The following CACNB2 variants were observed in gnomAD, a reference collection of about 807,000 sequenced individuals.
CACNB2 encodes calcium voltage-gated channel auxiliary subunit beta 2, also known as voltage-dependent L-type calcium channel subunit beta-2.
Under a neutral mutation model 73.3 loss-of-function variants are expected in CACNB2, and 42 were observed. That is an observed-to-expected ratio of 0.57 (90% CI 0.45 to 0.74). CACNB2 has a LOEUF of 0.74. Ranked by LOEUF, CACNB2 falls within the 30% of genes least tolerant of loss-of-function variation. CACNB2 has a pLI of 0.00. For missense variants in CACNB2, 940 were observed against 853.0 expected (o/e 1.10, Z -1.27); for synonymous variants, 348 against 310.3 (o/e 1.12, Z -1.28).
intron 2 of CACNB2, among the ~76,000 whole-genome samples, chr10:18,221,849 C>A (rs768210590): frequency 2.6e-5 from 4 of 152,154 alleles, no homozygotes; most frequent in Admixed American, 6.5e-5. Context: ...TTTTGGAAGG[C>A]ATTTTGTGTT....
intron 3 of CACNB2, among the ~76,000 whole-genome samples, chr10:18,454,026 A>G (rs1464759580): frequency 6.6e-6 from 1 of 152,220 alleles, no homozygotes; most frequent in Non-Finnish European, 1.5e-5. Context: ...CCCAGGAACA[A>G]GCCCAGCGCC....
chr10:18,481,610 G>T (rs886431973), intron 3 of CACNB2, among the ~76,000 whole-genome samples: 7 of 151,882 alleles, frequency 4.6e-5, no homozygotes, highest in African/African-American at 1.5e-4. Context: ...TAGTCCAGAA[G>T]GATTGAGCCA....
Position 18,539,311 on chromosome 10 carries a change from C to G in CACNB2, c.1570C>G (p.Pro524Ala), listed in dbSNP as rs1349921106. The G allele has an allele frequency of 1.1e-5, 17 of 1,613,954 alleles. No individual in the cohort carries two copies. The East Asian group carries it at 3.3e-4, about 32-fold the overall frequency. The change falls in exon 14 of 14, where the codon CCA (proline) becomes GCA (alanine). Residue 524 changes from proline (P) to alanine (A), a missense_variant. Coordinates refer to ENST00000324631, the MANE Select transcript of CACNB2 (RefSeq NM_201596.3). ...SQAEEEPSVEPVKKSQHRSSS... is the reference protein window; with the variant it reads ...SQAEEEPSVEAVKKSQHRSSS... ...AGCTGAAGAAGAACCTAGTGTGGAA[C>G]CAGTCAAGAAATCCCAGCACCGCTC... is the stretch of plus-strand genomic sequence containing the variant.
At position 18,310,728 on chromosome 10, in the gene CACNB2, C is replaced by T. The variant is rs563755637; in HGVS notation, c.214-91196C>T. Among the ~76,000 whole-genome samples the T allele has an allele frequency of 3.6e-4, 54 of 149,374 alleles. No individual in the cohort carries two copies. The South Asian group carries it at 8.5e-3, about 23-fold the overall frequency. Reference sequence around the variant, plus strand: ...CCTAGTAGCTGGGATTACAGGCATGCGCCACCATGCCTGGCTAATTTTTTT... The same window carrying T: ...CCTAGTAGCTGGGATTACAGGCATGTGCCACCATGCCTGGCTAATTTTTTT... On this transcript the variant is annotated intron_variant, in intron 2 of 13. Coordinates refer to ENST00000324631, the MANE Select transcript of CACNB2 (RefSeq NM_201596.3).
intron 2 of CACNB2, among the ~76,000 whole-genome samples, chr10:18,283,136 A>T (rs1230837001): frequency 2.0e-5 from 3 of 152,216 alleles, no homozygotes; most frequent in Non-Finnish European, 1.5e-5. Flanking sequence ...ATCTCACACC[A>T]GTTAGATGGC....
chr10:18,265,944 G>A (rs1315261096), intron 2 of CACNB2, among the ~76,000 whole-genome samples: 1 of 152,102 alleles, frequency 6.6e-6, no homozygotes, highest in Non-Finnish European at 1.5e-5. Context: ...ATACTGGAAG[G>A]TAATGTAGTC....
At chr10:18,377,695 T>A (rs977485141) in intron 2 of CACNB2, among the ~76,000 whole-genome samples, 4 of 152,256 alleles carry the variant, frequency 2.6e-5, no homozygotes, top group African/African-American at 9.6e-5. Context: ...TATAGTTGGC[T>A]GATCTCTGAT....
chr10:18,518,246 A>C (rs958766290), intron 7 of CACNB2, 90 bp from the exon 8 acceptor site: 1 of 872,204 alleles, frequency 1.1e-6, no homozygotes, highest in East Asian at 2.4e-5. Flanking sequence ...AGTGCCTCAT[A>C]TTATGGAGTT....
chr10:18,413,057 G>GC (rs1472148463), intron 3 of CACNB2, among the ~76,000 whole-genome samples: 1 of 152,110 alleles, frequency 6.6e-6, no homozygotes, highest in Admixed American at 6.6e-5. Context: ...TGCAACTTCT[G>GC]CCCCCCGGGT....
In CACNB2 at chr10:18,239,580, G is replaced by A. The variant is rs79766358; in HGVS notation, c.213+88605G>A. 3.8e-3 allele frequency among the ~76,000 whole-genome samples: 578 copies of A among 152,264 alleles called. 5 individuals are homozygous for A. Among genetic ancestry groups the A allele is most frequent in the African/African-American group, 0.013 (555 of 41,536 alleles). The stretch of plus-strand genomic sequence containing the variant: ...TTGTTTATCCAGTCATACATTGATG[G>A]ACACTTAGGTTGATTCCATATCTTT... On this transcript the variant is annotated intron_variant, in intron 2 of 13. Coordinates refer to ENST00000324631, the MANE Select transcript of CACNB2 (RefSeq NM_201596.3).
chr10:18,408,777 A>C (rs2132604686), intron 3 of CACNB2, among the ~76,000 whole-genome samples: 1 of 152,318 alleles, frequency 6.6e-6, no homozygotes, highest in Middle Eastern at 3.4e-3. Context: ...AAGGTTCTTT[A>C]GGGATGAGAT....
intron 2 of CACNB2, among the ~76,000 whole-genome samples, chr10:18,186,218 G>A (rs565753559): frequency 2.8e-4 from 43 of 152,114 alleles, no homozygotes; most frequent in African/African-American, 9.2e-4. Context: ...TCAGGAGTTC[G>A]AGACCAGCCT....
intron 3 of CACNB2, among the ~76,000 whole-genome samples, chr10:18,442,139 T>C (rs574059059): frequency 6.6e-5 from 10 of 152,262 alleles, no homozygotes; most frequent in Admixed American, 2.0e-4. Context: ...ACACACCTGG[T>C]TTGAATCTGG....
intron 2 of CACNB2, among the ~76,000 whole-genome samples, chr10:18,310,736 T>C (rs189431550): frequency 1.3e-5 from 2 of 150,434 alleles, no homozygotes; most frequent in Admixed American, 6.6e-5. Context: ...TGCGCCACCA[T>C]GCCTGGCTAA....
intron 2 of CACNB2, among the ~76,000 whole-genome samples, chr10:18,160,386 T>C (rs1696675420): frequency 6.6e-6 from 1 of 152,190 alleles, no homozygotes; most frequent in African/African-American, 2.4e-5. Flanking sequence ...ACTTTTATTT[T>C]CTTCAACTCT....
chr10:18,440,561 G>A (rs1008518583), intron 3 of CACNB2, among the ~76,000 whole-genome samples: 1 of 152,060 alleles, frequency 6.6e-6, no homozygotes, highest in Non-Finnish European at 1.5e-5. Flanking sequence ...CAGCTACTCG[G>A]GAGGATCACT....
chr10:18,143,861 T>A (rs2030689037), intron 1 of CACNB2, among the ~76,000 whole-genome samples: 1 of 152,208 alleles, frequency 6.6e-6, no homozygotes, highest in African/African-American at 2.4e-5. Flanking sequence ...TTAGGAATCA[T>A]TCTACCTCAC....
chr10:18,191,342 C>T (rs1564331203), intron 2 of CACNB2, among the ~76,000 whole-genome samples: 1 of 152,184 alleles, frequency 6.6e-6, no homozygotes, highest in Non-Finnish European at 1.5e-5. Flanking sequence ...CACCAGCTGC[C>T]CCCCGTGTAT....
intron 3 of CACNB2, among the ~76,000 whole-genome samples, chr10:18,408,137 G>A (rs1346428310): frequency 6.6e-6 from 1 of 150,378 alleles, no homozygotes; most frequent in Admixed American, 6.7e-5. Flanking sequence ...CCTACACAAA[G>A]ATCATCAGAG....
Sources: gnomAD v4.1 joint callset for allele counts (sites outside exome capture counted in the v4.1 genomes callset) on GRCh38, gnomAD v4.1.1 for gene constraint, MANE v1.5 for transcripts, NCBI Gene and HGNC (gene_info 2026-07-23, HGNC 2026-07-21) for gene names.